Variants in PAQR5 observed in about 807,000 individuals in gnomAD.
PAQR5 encodes membrane progestin receptor gamma.
A neutral mutation model predicts 34.5 loss-of-function variants in PAQR5; 20 were observed. The observed-to-expected ratio is 0.58, with a 90% CI of 0.41 to 0.84. The LOEUF is 0.84. Among genes scored for constraint, PAQR5 ranks in the 40% least tolerant of loss-of-function variants. The probability of loss-of-function intolerance (pLI) is 0.00; values close to 1 mark genes in which losing one functional copy is unlikely to be tolerated. For synonymous variants in PAQR5, 131 were observed against 155.6 expected (o/e 0.84, Z 1.18); for missense variants, 378 against 412.7 (o/e 0.92, Z 0.73).
chr15:69,346,447 A>T (rs528026880), intron 2 of PAQR5, among the ~76,000 whole-genome samples: 12 of 151,864 alleles, frequency 7.9e-5, no homozygotes, highest in Non-Finnish European at 1.6e-4. Flanking sequence ...CTGGGACCAC[A>T]GGCACATGCC....
At chr15:69,320,024 T>C (rs1398736106) in intron 1 of PAQR5, among the ~76,000 whole-genome samples, 1 of 152,196 alleles carries the variant, frequency 6.6e-6, no homozygotes, top group East Asian at 1.9e-4. Context: ...GAGAGCAGGG[T>C]GGAGATAGGA....
At chr15:69,375,572 G>A (rs77565335) in intron 3 of PAQR5, among the ~76,000 whole-genome samples, 3 of 152,100 alleles carry the variant, frequency 2.0e-5, no homozygotes, top group Admixed American at 1.3e-4. Flanking sequence ...TTTATCTCTC[G>A]ACAGAGCCCT....
In PAQR5 at chr15:69,379,902, T is replaced by A. The variant is rs17853893; in HGVS notation, c.71T>A (p.Ile24Asn). 1.2e-6 allele frequency: 2 copies of A among 1,613,960 alleles called. No homozygotes were observed. The highest frequency in any genetic ancestry group is 1.7e-6 in the Non-Finnish European group (2 of 1,180,016). The change falls in exon 4 of 9, where the codon ATC becomes AAC. Residue 24 changes from isoleucine to asparagine, a missense_variant. Transcript: ENST00000395407. ...QIPQVFHEQG[I>N]LFGYRHPQSS... ...CTGCAGGTGTTCCATGAGCAAGGCA[T>A]CCTGTTCGGCTACCGCCATCCACAG... is the stretch of plus-strand genomic sequence containing the variant.
intron 1 of PAQR5, among the ~76,000 whole-genome samples, chr15:69,328,634 G>A (rs1242684690): frequency 6.6e-6 from 1 of 152,172 alleles, no homozygotes; most frequent in Non-Finnish European, 1.5e-5. Flanking sequence ...TGCTCGGGAT[G>A]GGGGTGGGGG....
At chr15:69,351,770 C>A (rs910061026) in intron 2 of PAQR5, among the ~76,000 whole-genome samples, 49 of 152,244 alleles carry the variant, frequency 3.2e-4, no homozygotes, top group Middle Eastern at 3.4e-3. Flanking sequence ...AATTCAGGGG[C>A]CTTCTACCTC....
chr15:69,372,646 T>A (rs2055595745), intron 3 of PAQR5, among the ~76,000 whole-genome samples: 1 of 152,234 alleles, frequency 6.6e-6, no homozygotes, highest in South Asian at 2.1e-4. Context: ...GGCATTTTCC[T>A]GTAATTGTTT....
intron 1 of PAQR5, among the ~76,000 whole-genome samples, chr15:69,306,536 C>T (rs924367263): frequency 2.0e-5 from 3 of 151,700 alleles, no homozygotes; most frequent in Non-Finnish European, 2.9e-5. Flanking sequence ...CTCAACCTCC[C>T]GAGTAGCTGG....
intron 4 of PAQR5, among the ~76,000 whole-genome samples, chr15:69,381,726 AT>A (rs952030689): frequency 2.0e-5 from 3 of 152,218 alleles, no homozygotes; most frequent in African/African-American, 7.2e-5. Context: ...CCCTAAGGAA[AT>A]GGGACCACTG....
At chr15:69,364,594 G>T (rs1288722596) in intron 3 of PAQR5, among the ~76,000 whole-genome samples, 1 of 131,484 alleles carries the variant, frequency 7.6e-6, no homozygotes, top group Non-Finnish European at 1.5e-5. Context: ...ATTGTTCTTG[G>T]TTTTAATGAA....
rs2056736910 is a variant in PAQR5 at position 69,405,236 on chromosome 15, G to C, written c.*1414G>C. On this transcript the variant is annotated 3_prime_UTR_variant, in exon 9 of 9. Transcript: ENST00000395407. Reference sequence around the variant, plus strand: ...GATCTGCACTTGGTAATGACTTAGGGGGGCTTCCTCACAATGCAGGATCCT... The same window carrying C: ...GATCTGCACTTGGTAATGACTTAGGCGGGCTTCCTCACAATGCAGGATCCT... The C allele has an allele frequency of 2.7e-6, 1 of 367,856 alleles. No individual in the cohort carries two copies. The highest frequency in any genetic ancestry group is 2.1e-5 in the African/African-American group (1 of 47,930). The allele number at this position is 367,856 out of a possible 1,614,324, so 22.8% of individuals were successfully genotyped here.
intron 4 of PAQR5, among the ~76,000 whole-genome samples, chr15:69,383,849 T>C (rs112490446): frequency 0.014 from 2 of 142 alleles, no homozygotes; most frequent in Non-Finnish European, 0.034. Context: ...GAGTGGGCCT[T>C]TGTGTTCATG....
chr15:69,348,392 G>A (rs951269671), intron 2 of PAQR5, among the ~76,000 whole-genome samples: 6 of 152,180 alleles, frequency 3.9e-5, no homozygotes, highest in Non-Finnish European at 7.4e-5. Flanking sequence ...CACAGGAAAC[G>A]GTGAAGCAGT....
Position 69,330,799 on chromosome 15 carries a change from CTCTA to C in PAQR5, c.-276-6540_-276-6537del, listed in dbSNP as rs376146709. On this transcript the variant is annotated intron_variant, in intron 1 of 8. Transcript: ENST00000395407. The stretch of plus-strand genomic sequence containing the variant: ...GCAGGCTCTGCGTGAATTACTCTTT[CTCTA>C]TTGCAATTCCCCTGTCTTGATGAAT... Among the ~76,000 whole-genome samples the C allele has an allele frequency of 4.7e-3, 715 of 152,352 alleles. 13 individuals are homozygous for C. The highest frequency in any genetic ancestry group is 0.016 in the African/African-American group (666 of 41,582).
At chr15:69,333,526 C>A (rs1222302243) in intron 1 of PAQR5, among the ~76,000 whole-genome samples, 5 of 152,178 alleles carry the variant, frequency 3.3e-5, no homozygotes, top group African/African-American at 1.2e-4. Flanking sequence ...CGTCCCCACC[C>A]CGCACTGGGA....
At chr15:69,383,239 T>C (rs2055961614) in intron 4 of PAQR5, among the ~76,000 whole-genome samples, 9 of 134,400 alleles carry the variant, frequency 6.7e-5, no homozygotes, top group Middle Eastern at 4.1e-3. Context: ...GGTGAGCAGG[T>C]CCTCCATGTT....
intron 2 of PAQR5, among the ~76,000 whole-genome samples, chr15:69,348,088 C>T (rs900479295): frequency 1.3e-5 from 2 of 151,616 alleles, no homozygotes; most frequent in Admixed American, 6.6e-5. Context: ...TGACTCCCTC[C>T]ACAGACCTTC....
chr15:69,390,434 C>T (rs547680435), intron 6 of PAQR5, among the ~76,000 whole-genome samples: 30 of 150,612 alleles, frequency 2.0e-4, no homozygotes, highest in African/African-American at 7.0e-4. Flanking sequence ...ACTGTAGCCT[C>T]GCCTTCCTGG....
chr15:69,315,086 G>A (rs1011976407), intron 1 of PAQR5, among the ~76,000 whole-genome samples: 2 of 152,124 alleles, frequency 1.3e-5, no homozygotes, highest in African/African-American at 4.8e-5. Context: ...TGTGCAGCTT[G>A]TGCAGAATCC....
chr15:69,300,313 T>C (rs1295934639), intron 1 of PAQR5, among the ~76,000 whole-genome samples: 1 of 152,170 alleles, frequency 6.6e-6, no homozygotes, highest in Non-Finnish European at 1.5e-5. Context: ...GGGACCTGCT[T>C]TGTTCCCTGC....
Sources: gnomAD v4.1 joint callset for allele counts (sites outside exome capture counted in the v4.1 genomes callset) on GRCh38, gnomAD v4.1.1 for gene constraint, MANE v1.5 for transcripts, NCBI Gene and HGNC (gene_info 2026-07-23, HGNC 2026-07-21) for gene names.